Variants in PRDM6 observed in about 807,000 individuals in gnomAD.
The protein encoded by PRDM6 is putative histone-lysine N-methyltransferase PRDM6.
PRDM6 carries 25 observed loss-of-function variants against 60.8 expected under a neutral mutation model. The ratio of observed to expected loss-of-function variants is 0.41; its 90% confidence interval spans 0.30 to 0.57. PRDM6 has a LOEUF of 0.57. Ranked by LOEUF, PRDM6 falls within the 20% of genes least tolerant of loss-of-function variation. The probability of loss-of-function intolerance (pLI) is 0.27; values close to 1 mark genes in which losing one functional copy is unlikely to be tolerated. For synonymous variants in PRDM6, 407 were observed against 357.4 expected (o/e 1.14, Z -1.57); for missense variants, 839 against 821.3 (o/e 1.02, Z -0.26).
chr5:123,170,948 A>G lies in PRDM6; in HGVS notation c.1336A>G (p.Ile446Val). The change falls in exon 6 of 8, where the codon ATC (isoleucine) becomes GTC (valine). Residue 446 changes from isoleucine to valine, a missense_variant. By Grantham distance (29) the Ile-to-Val change is conservative (BLOSUM62 3). Around this residue, in one of 2 missense-constraint regions of PRDM6, gnomAD observed 730 missense variants for 648.8 expected, o/e 1.13. Coordinates refer to ENST00000407847, the MANE Select transcript of PRDM6 (RefSeq NM_001136239.4). ...GCCCATTGAATCAGGATTTAATCAA[A>G]TCAACGTGAAAAACCAGCGAGTCCT... Reference protein sequence around the residue: ...SGPIESGFNQINVKNQRVLAS... With the variant: ...SGPIESGFNQVNVKNQRVLAS... The G allele has an allele frequency of 6.4e-7, 1 of 1,551,920 alleles. No individual in the cohort carries two copies. Among genetic ancestry groups the G allele is most frequent in the South Asian group, 1.2e-5 (1 of 84,064 alleles).
At position 123,121,270 on chromosome 5, in the gene PRDM6, G is replaced by C. The variant is rs1764574847; in HGVS notation, c.900+21309G>C. 2.0e-5 allele frequency among the ~76,000 whole-genome samples: 3 copies of C among 152,186 alleles called. No homozygotes were observed. In the South Asian group the frequency reaches 6.2e-4, roughly 32 times the overall value. ...GTACAGAGAAATAAATAGTGAATAA[G>C]TTCTCTTGCACCGGCAACTTATTTT... On this transcript the variant is annotated intron_variant, in intron 3 of 7. Coordinates refer to ENST00000407847, the MANE Select transcript of PRDM6 (RefSeq NM_001136239.4).
intron 6 of PRDM6, among the ~76,000 whole-genome samples, chr5:123,172,601 G>A (rs1020811594): frequency 1.1e-4 from 17 of 152,144 alleles, no homozygotes; most frequent in Non-Finnish European, 1.8e-4. Context: ...AAGCATTTTA[G>A]TAGTCTTTAA....
At chr5:123,167,856 A>G (rs574603986) in intron 5 of PRDM6, among the ~76,000 whole-genome samples, 2 of 152,276 alleles carry the variant, frequency 1.3e-5, no homozygotes, top group South Asian at 2.1e-4. Context: ...TCTTCATTCT[A>G]TGGTTTTTCT....
At chr5:123,101,057 T>G (rs2150208456) in intron 3 of PRDM6, among the ~76,000 whole-genome samples, 1 of 152,340 alleles carries the variant, frequency 6.6e-6, no homozygotes, top group Middle Eastern at 3.4e-3. Flanking sequence ...TGCAAGAGAT[T>G]GCCTCTCATA....
rs192309046 is a variant in PRDM6 at position 123,179,561 on chromosome 5, A to T, written c.1497-586A>T. On this transcript the variant is annotated intron_variant, in intron 6 of 7. Coordinates refer to ENST00000407847, the MANE Select transcript of PRDM6 (RefSeq NM_001136239.4). Reference sequence around the variant, plus strand: ...GTTAAAACACACATGTAACTTGCTGACTTGCCTGTGTGTTTACCTGGTACT... The same window carrying T: ...GTTAAAACACACATGTAACTTGCTGTCTTGCCTGTGTGTTTACCTGGTACT... Among the ~76,000 whole-genome samples, 8 of 152,328 alleles carry T rather than the reference A, an allele frequency of 5.3e-5. No homozygotes were observed. In the East Asian group the frequency reaches 1.3e-3, roughly 26 times the overall value.
chr5:123,125,891 T>C (rs1218908765), intron 3 of PRDM6, among the ~76,000 whole-genome samples: 1 of 152,168 alleles, frequency 6.6e-6, no homozygotes, highest in Non-Finnish European at 1.5e-5. Flanking sequence ...ATATTCTTTC[T>C]CAGAGATCTT....
intron 3 of PRDM6, among the ~76,000 whole-genome samples, chr5:123,138,646 T>G (rs1019420142): frequency 2.0e-5 from 3 of 152,236 alleles, no homozygotes. Context: ...TAAATTTGGA[T>G]TTTTATATAT....
chr5:123,092,681 A>G (rs1465369385), intron 2 of PRDM6, among the ~76,000 whole-genome samples: 4 of 152,284 alleles, frequency 2.6e-5, no homozygotes, highest in African/African-American at 7.2e-5. Context: ...AGTGCAGGGG[A>G]AAAGACAGAA....
intron 3 of PRDM6, among the ~76,000 whole-genome samples, chr5:123,142,804 T>G (rs1236631752): frequency 7.1e-6 from 1 of 141,130 alleles, no homozygotes; most frequent in Non-Finnish European, 1.5e-5. Context: ...GAAAATGTGG[T>G]CAGGGATTTA....
chr5:123,189,422 C>T lies in PRDM6; in HGVS notation c.*2221C>T, dbSNP rs1766360861. ...GTGGAACACCATGTACTACTCAGTTCTCATGAGCTTCAGAACGTGGGAGAA... is the reference window on the plus strand; with the variant it reads ...GTGGAACACCATGTACTACTCAGTTTTCATGAGCTTCAGAACGTGGGAGAA... On this transcript the variant is annotated 3_prime_UTR_variant, in exon 8 of 8. Transcript: ENST00000407847. 6.6e-6 allele frequency: 1 copy of T among 152,144 alleles called. No individual in the cohort carries two copies. The highest frequency in any genetic ancestry group is 2.1e-4 in the South Asian group (1 of 4,814). 9.4% of individuals were successfully genotyped at this position (152,144 alleles called of 1,614,324 possible).
rs1235230306 is a variant in PRDM6, at chr5:123,188,781, A to G, written c.*1580A>G. On this transcript the variant is annotated 3_prime_UTR_variant, in exon 8 of 8. Coordinates refer to ENST00000407847, the MANE Select transcript of PRDM6 (RefSeq NM_001136239.4). ...GTGTGGTTTAGTTTAATCTATTATT[A>G]TGTATCTGGCTCTGAGAAAATCTCT... The G allele has an allele frequency of 6.6e-6, 1 of 152,132 alleles. No homozygotes were observed. The highest frequency in any genetic ancestry group is 6.5e-5 in the Admixed American group (1 of 15,268). 9.4% of individuals were successfully genotyped at this position (152,132 alleles called of 1,614,324 possible).
At position 123,099,556 on chromosome 5, in the gene PRDM6, C is replaced by A. The variant is rs994499039; in HGVS notation, c.593-98C>A. On this transcript the variant is annotated intron_variant, in intron 2 of 7. Coordinates refer to ENST00000407847, the MANE Select transcript of PRDM6 (RefSeq NM_001136239.4). The surrounding 1 kb of genome is among the most constrained non-coding windows in gnomAD (Gnocchi z 4.0). Reference sequence around the variant, plus strand: ...CTCGAAGGTGGCTTACCCAGGCGGGCGGTGATGCTGTTGTCTCGGGAGTTT... The same window carrying A: ...CTCGAAGGTGGCTTACCCAGGCGGGAGGTGATGCTGTTGTCTCGGGAGTTT... 7.7e-5 allele frequency: 88 copies of A among 1,137,446 alleles called. No individual in the cohort carries two copies. The highest frequency in any genetic ancestry group is 1.0e-4 in the Non-Finnish European group (86 of 839,368). 70.5% of individuals were successfully genotyped at this position (1,137,446 alleles called of 1,614,324 possible). A position where few individuals can be genotyped will look rare whatever the true frequency, so the allele number is the denominator to read the frequency against.
intron 5 of PRDM6, among the ~76,000 whole-genome samples, chr5:123,166,746 CTGAA>C (rs1765761528): frequency 1.3e-5 from 2 of 152,200 alleles, no homozygotes; most frequent in Admixed American, 6.5e-5. Context: ...AAGGGGTAAA[CTGAA>C]CTTAGTTTTA....
At chr5:123,132,927 C>G (rs1764866624) in intron 3 of PRDM6, among the ~76,000 whole-genome samples, 1 of 152,022 alleles carries the variant, frequency 6.6e-6, no homozygotes, top group African/African-American at 2.4e-5. Flanking sequence ...TACATGTTAT[C>G]TTTAACAAAT....
At chr5:123,185,581 C>G (rs1212609622) in intron 7 of PRDM6, among the ~76,000 whole-genome samples, 1 of 152,146 alleles carries the variant, frequency 6.6e-6, no homozygotes, top group African/African-American at 2.4e-5. Context: ...ATACATTTGT[C>G]AAGATCACAG....
intron 3 of PRDM6, among the ~76,000 whole-genome samples, chr5:123,154,473 G>C (rs1436643029): frequency 2.0e-5 from 3 of 152,008 alleles, no homozygotes; most frequent in African/African-American, 4.8e-5. Flanking sequence ...TGGAAAGGTT[G>C]GGGTTGGAGA....
intron 2 of PRDM6, among the ~76,000 whole-genome samples, chr5:123,098,717 G>A (rs1764020654): frequency 6.6e-6 from 1 of 152,238 alleles, no homozygotes. Flanking sequence ...GTCGGGGCAG[G>A]AGTTGGTGCC....
chr5:123,192,030 G>A lies in PRDM6; in HGVS notation c.*4829G>A, dbSNP rs966542526. On this transcript the variant is annotated 3_prime_UTR_variant, in exon 8 of 8. Transcript: ENST00000407847. ...AAAAATATGTCGGAAACAGGTCAAA[G>A]TCATGAAACATTTGAATTGTCTTTC... The A allele has an allele frequency of 7.9e-5, 12 of 152,306 alleles. No individual in the cohort carries two copies. Among genetic ancestry groups the A allele is most frequent in the South Asian group, 2.1e-4 (1 of 4,828 alleles). 9.4% of individuals were successfully genotyped at this position (152,306 alleles called of 1,614,324 possible).
chr5:123,145,554 T>C (rs1376784794), intron 3 of PRDM6, among the ~76,000 whole-genome samples: 3 of 152,206 alleles, frequency 2.0e-5, no homozygotes, highest in South Asian at 4.1e-4. Context: ...GTCTTTGATG[T>C]AGGCCAGTAG....
Sources: gnomAD v4.1 joint callset for allele counts (sites outside exome capture counted in the v4.1 genomes callset) on GRCh38, gnomAD v4.1.1 for gene constraint, gnomAD v4.1.1 regional missense constraint, Gnocchi (gnomAD v3.1) non-coding constraint, MANE v1.5 for transcripts, NCBI Gene and HGNC (gene_info 2026-07-23, HGNC 2026-07-21) for gene names.